Variants in ATG4B observed in about 807,000 individuals in gnomAD.
The protein encoded by ATG4B is cysteine protease ATG4B.
ATG4B carries 29 observed loss-of-function variants against 56.6 expected under a neutral mutation model. The observed-to-expected ratio is 0.51, with a 90% CI of 0.38 to 0.70. ATG4B has a LOEUF of 0.70. Among genes scored for constraint, ATG4B ranks in the 30% least tolerant of loss-of-function variants. The probability of loss-of-function intolerance (pLI) is 0.00; values close to 1 mark genes in which losing one functional copy is unlikely to be tolerated. For synonymous variants in ATG4B, 224 were observed against 206.1 expected (o/e 1.09, Z -0.74); for missense variants, 461 against 515.5 (o/e 0.89, Z 1.02).
At chr2:241,663,232 CAAAA>C in intron 7 of ATG4B, among the ~76,000 whole-genome samples, 1 of 151,962 alleles carries the variant, frequency 6.6e-6, no homozygotes, top group Middle Eastern at 3.4e-3. Context: ...GACTGTGTCT[CAAAA>C]AACCAAAACA....
intron 1 of ATG4B, among the ~76,000 whole-genome samples, chr2:241,647,288 A>G (rs1234916792): frequency 6.6e-6 from 1 of 152,170 alleles, no homozygotes; most frequent in Non-Finnish European, 1.5e-5. Flanking sequence ...GAATGTTCCA[A>G]CAGCAAGATG....
intron 3 of ATG4B, chr2:241,652,096 C>A: frequency 3.7e-6 from 2 of 544,474 alleles, no homozygotes; most frequent in Non-Finnish European, 6.0e-6. Context: ...AACGGCTGGA[C>A]ATTGGAGAAC....
chr2:241,663,872 C>T (rs987433634), intron 7 of ATG4B, among the ~76,000 whole-genome samples: 4 of 151,142 alleles, frequency 2.6e-5, no homozygotes, highest in Non-Finnish European at 4.4e-5. Context: ...AGTGGTGGCA[C>T]GATCTTGGCT....
chr2:241,654,450 A>G (rs1052954460), intron 4 of ATG4B, 96 bp from the exon 5 acceptor site: 7 of 748,554 alleles, frequency 9.4e-6, no homozygotes, highest in African/African-American at 1.8e-5. Context: ...AAAGATTCTG[A>G]AAAAGGTTTG....
chr2:241,661,147 C>T (rs946761463), intron 7 of ATG4B, among the ~76,000 whole-genome samples: 4 of 152,224 alleles, frequency 2.6e-5, no homozygotes, highest in African/African-American at 9.6e-5. Context: ...TTCCCAGCCC[C>T]TGGGGATGGT....
chr2:241,657,940 C>A (rs2068459698), intron 6 of ATG4B, among the ~76,000 whole-genome samples: 1 of 152,190 alleles, frequency 6.6e-6, no homozygotes, highest in Non-Finnish European at 1.5e-5. Flanking sequence ...AGGGCCTTTG[C>A]ATGTGTGGTG....
intron 3 of ATG4B, among the ~76,000 whole-genome samples, chr2:241,652,594 T>C (rs750105952): frequency 1.3e-5 from 2 of 152,200 alleles, no homozygotes; most frequent in Non-Finnish European, 2.9e-5. Flanking sequence ...ACTCCTGGGC[T>C]CAAGCAGTTC....
intron 1 of ATG4B, among the ~76,000 whole-genome samples, chr2:241,649,959 C>T (rs1432622170): frequency 1.3e-5 from 2 of 151,884 alleles, no homozygotes; most frequent in African/African-American, 4.8e-5. Flanking sequence ...AATTGTTGTA[C>T]TTTTAGTAGA....
intron 7 of ATG4B, among the ~76,000 whole-genome samples, chr2:241,664,110 G>GCCTGGACCTCATT (rs1200538843): frequency 5.3e-5 from 8 of 152,064 alleles, no homozygotes; most frequent in Admixed American, 2.0e-4. Flanking sequence ...GAGCCACCGT[G>GCCTGGACCTCATT]CCTGGACCTC....
At position 241,673,582 on chromosome 2, in the gene ATG4B, A is replaced by G. The variant is rs2069050700; in HGVS notation, c.*1318A>G. ...ACCCCCAGCCCCCCAAGCATTGAAGACATAGTGTATTTCCTCGTATCCTTT... is the reference window on the plus strand; with the variant it reads ...ACCCCCAGCCCCCCAAGCATTGAAGGCATAGTGTATTTCCTCGTATCCTTT... On this transcript the variant is annotated 3_prime_UTR_variant, in exon 13 of 13. Coordinates refer to ENST00000404914, the MANE Select transcript of ATG4B (RefSeq NM_013325.5). 1 of 450,956 alleles carries G rather than the reference A, an allele frequency of 2.2e-6. No individual in the cohort carries two copies. The highest frequency in any genetic ancestry group is 4.4e-6 in the Non-Finnish European group (1 of 225,720). The allele number at this position is 450,956 out of a possible 1,614,324, so 27.9% of individuals were successfully genotyped here.
At chr2:241,659,361 A>C in intron 7 of ATG4B, 174 bp downstream of exon 7, 1 of 685,162 alleles carries the variant, frequency 1.5e-6, no homozygotes, top group Non-Finnish European at 2.7e-6. Flanking sequence ...TCGCTCTCCT[A>C]TCCCGGCGGT....
At chr2:241,642,487 A>G (rs2067921235) in intron 1 of ATG4B, among the ~76,000 whole-genome samples, 1 of 152,170 alleles carries the variant, frequency 6.6e-6, no homozygotes, top group African/African-American at 2.4e-5. Context: ...TAAAATATAA[A>G]TCTTTTGGAA....
At chr2:241,648,594 CA>C (rs35764376) in intron 1 of ATG4B, among the ~76,000 whole-genome samples, 57 of 135,348 alleles carry the variant, frequency 4.2e-4, no homozygotes, top group Middle Eastern at 4.2e-3. Flanking sequence ...GTCCCGGTCT[CA>C]AAAAAAAAAA....
chr2:241,647,313 C>G (rs1559251405), intron 1 of ATG4B, among the ~76,000 whole-genome samples: 1 of 152,000 alleles, frequency 6.6e-6, no homozygotes, highest in Non-Finnish European at 1.5e-5. Context: ...CATTGTCTTG[C>G]AGTGTTGAAA....
At chr2:241,652,741 G>T (rs2068261067) in intron 3 of ATG4B, among the ~76,000 whole-genome samples, 1 of 152,174 alleles carries the variant, frequency 6.6e-6, no homozygotes, top group Non-Finnish European at 1.5e-5. Context: ...TGGGTTGTTG[G>T]TGGGTGACGG....
intron 6 of ATG4B, among the ~76,000 whole-genome samples, chr2:241,657,589 C>T (rs1268070902): frequency 6.6e-6 from 1 of 152,250 alleles, no homozygotes; most frequent in Non-Finnish European, 1.5e-5. Flanking sequence ...AGGCATGAGC[C>T]ACCGCTCCTG....
chr2:241,655,234 C>G, intron 5 of ATG4B, 37 bp from the exon 6 acceptor site: 1 of 1,582,898 alleles, frequency 6.3e-7, no homozygotes, highest in South Asian at 1.1e-5. Flanking sequence ...GGGCTGGGGG[C>G]GGGTGTGTGT....
In ATG4B at chr2:241,668,046, T is replaced by C; in HGVS notation, c.733-97T>C. The C allele has an allele frequency of 8.3e-7, 1 of 1,200,192 alleles. No individual in the cohort carries two copies. Among genetic ancestry groups the C allele is most frequent in the Non-Finnish European group, 1.2e-6 (1 of 849,002 alleles). The allele number at this position is 1,200,192 out of a possible 1,614,324, so 74.3% of individuals were successfully genotyped here. On this transcript the variant is annotated intron_variant, in intron 8 of 12. Transcript: ENST00000404914. This position sits in a 1 kb window ranked among gnomAD's most constrained non-coding sequence, Gnocchi z 4.2. ...TCCTGTCCCCTCTTGTGTCACCCAG[T>C]TGGGCCTCAGCAGGCCCTTGGGCCC...
chr2:241,648,278 A>G (rs935298384), intron 1 of ATG4B, among the ~76,000 whole-genome samples: 2 of 152,192 alleles, frequency 1.3e-5, no homozygotes, highest in African/African-American at 4.8e-5. Flanking sequence ...CTCTGAAAGC[A>G]TGGACAAGTG....
Sources: gnomAD v4.1 joint callset for allele counts (sites outside exome capture counted in the v4.1 genomes callset) on GRCh38, gnomAD v4.1.1 for gene constraint, Gnocchi (gnomAD v3.1) non-coding constraint, MANE v1.5 for transcripts, NCBI Gene and HGNC (gene_info 2026-07-23, HGNC 2026-07-21) for gene names.